UTRN: variants seen among roughly 807,000 people sequenced by gnomAD.
The protein encoded by UTRN is utrophin, also known as dystrophin-related protein 1.
Under a neutral mutation model 463.9 loss-of-function variants are expected in UTRN, and 283 were observed. That is an observed-to-expected ratio of 0.61 (90% confidence interval 0.55 to 0.67). UTRN has a LOEUF of 0.67. Among genes scored for constraint, UTRN ranks in the 30% least tolerant of loss-of-function variants. The probability of loss-of-function intolerance (pLI) is 0.00; values close to 1 mark genes in which losing one functional copy is unlikely to be tolerated. For synonymous variants in UTRN, 1,442 were observed against 1,431.5 expected (o/e 1.01, Z -0.17); for missense variants, 3,922 against 4,084.3 (o/e 0.96, Z 1.08).
intron 13 of UTRN, among the ~76,000 whole-genome samples, chr6:144,441,939 G>A (rs1415662509): frequency 6.6e-6 from 1 of 152,118 alleles, no homozygotes; most frequent in Non-Finnish European, 1.5e-5. Context: ...AGTCATGGCT[G>A]GAGCAGCTGG....
At chr6:144,345,900 G>T (rs1004061145) in intron 2 of UTRN, among the ~76,000 whole-genome samples, 5 of 152,102 alleles carry the variant, frequency 3.3e-5, no homozygotes, top group Admixed American at 2.6e-4. Flanking sequence ...GGCTTTGGCC[G>T]GGGGCGGTGG....
intron 3 of UTRN, among the ~76,000 whole-genome samples, chr6:144,403,504 T>C (rs1341742437): frequency 2.0e-5 from 3 of 152,188 alleles, no homozygotes. Context: ...TTGAGTTCTC[T>C]TGGTTAAGAG....
At chr6:144,556,275 C>T (rs961150227) in intron 49 of UTRN, among the ~76,000 whole-genome samples, 2 of 152,164 alleles carry the variant, frequency 1.3e-5, no homozygotes, top group African/African-American at 4.8e-5. Flanking sequence ...TACTTGGTTA[C>T]AGTTTTAAAA....
At chr6:144,316,464 A>G (rs1380127182) in intron 2 of UTRN, among the ~76,000 whole-genome samples, 2 of 152,218 alleles carry the variant, frequency 1.3e-5, no homozygotes. Flanking sequence ...TTTAAAATTA[A>G]CCATAATCTG....
chr6:144,321,873 C>T (rs766974476), intron 2 of UTRN, among the ~76,000 whole-genome samples: 1 of 152,002 alleles, frequency 6.6e-6, no homozygotes, highest in Non-Finnish European at 1.5e-5. Flanking sequence ...AAGCGAGTCT[C>T]CTGCCTCGGC....
chr6:144,561,988 C>T (rs1799969254), intron 50 of UTRN, among the ~76,000 whole-genome samples: 2 of 152,044 alleles, frequency 1.3e-5, no homozygotes, highest in African/African-American at 2.4e-5. Flanking sequence ...TGATAAAATA[C>T]TTCTTTGTCT....
chr6:144,621,866 T>G (rs370137284), intron 51 of UTRN, among the ~76,000 whole-genome samples: 13 of 152,240 alleles, frequency 8.5e-5, no homozygotes, highest in African/African-American at 3.1e-4. Context: ...CGCCTTCTCT[T>G]TTTTCTCCTT....
Position 144,291,865 on chromosome 6 carries a change from A to C in UTRN, c.37A>C (p.Asn13His). 6.2e-7 allele frequency: 1 copy of C among 1,613,526 alleles called. No individual in the cohort carries two copies. Among genetic ancestry groups the C allele is most frequent in the South Asian group, 1.1e-5 (1 of 90,994 alleles). Residue 13 changes from asparagine (N) to histidine (H), a missense_variant, in exon 2 of 75, where the codon AAT becomes CAT. Physicochemically the swap from Asn to His is moderately conservative, Grantham distance 68. Transcript: ENST00000367545. Reference sequence around the variant, plus strand: ...TGGAGAACATGAAGCCAGTCCTGACAATGGGCAGAACGAATTCAGTGATAT... The same window carrying C: ...TGGAGAACATGAAGCCAGTCCTGACCATGGGCAGAACGAATTCAGTGATAT... ...KYGEHEASPDNGQNEFSDIIK... is the reference protein window; with the variant it reads ...KYGEHEASPDHGQNEFSDIIK...
At chr6:144,602,709 C>A (rs1804391834) in intron 51 of UTRN, among the ~76,000 whole-genome samples, 2 of 152,144 alleles carry the variant, frequency 1.3e-5, no homozygotes, top group Admixed American at 1.3e-4. Context: ...CACAAACAAG[C>A]ACTACTCACT....
chr6:144,704,879 T>C (rs1784934401), intron 53 of UTRN, among the ~76,000 whole-genome samples: 1 of 152,106 alleles, frequency 6.6e-6, no homozygotes, highest in African/African-American at 2.4e-5. Context: ...GGAGAATTGC[T>C]GGAACCCAGG....
chr6:144,683,278 C>T (rs60463868), intron 52 of UTRN, among the ~76,000 whole-genome samples: 41 of 152,286 alleles, frequency 2.7e-4, no homozygotes, highest in African/African-American at 9.6e-4. Context: ...GGCCTGTCGT[C>T]AAGTGGACCG....
At chr6:144,473,968 T>A (rs1790929738) in intron 24 of UTRN, 135 bp downstream of exon 24, 2 of 594,558 alleles carry the variant, frequency 3.4e-6, no homozygotes, top group Admixed American at 6.5e-5. Flanking sequence ...ATCATAAAGC[T>A]TTTATGACTT....
chr6:144,819,907 T>TC (rs1562948979), intron 65 of UTRN, among the ~76,000 whole-genome samples: 1 of 114,168 alleles, frequency 8.8e-6, no homozygotes, highest in Admixed American at 9.4e-5. Flanking sequence ...CTCCTCCTCC[T>TC]CCTCCTCTCT....
chr6:144,590,579 T>C (rs1470272901), intron 51 of UTRN, among the ~76,000 whole-genome samples: 1 of 152,208 alleles, frequency 6.6e-6, no homozygotes, highest in Non-Finnish European at 1.5e-5. Flanking sequence ...ATGTATTGAA[T>C]GGCTGTCATG....
rs200885682 is a variant in UTRN at position 144,461,314 on chromosome 6, A to G, written c.2825A>G (p.Lys942Arg). The G allele has an allele frequency of 6.3e-7, 1 of 1,584,854 alleles. No individual in the cohort carries two copies. The highest frequency in any genetic ancestry group is 8.6e-7 in the Non-Finnish European group (1 of 1,164,298). ...CTGAATGTCCTTAATGATCTTGCCA[A>G]GGTGGAGAAGGCCCTGCAAGAAAAA... ...VSLNVLNDLAKVEKALQEKKT... is the reference protein window; with the variant it reads ...VSLNVLNDLARVEKALQEKKT... Residue 942 changes from lysine (K) to arginine (R), a missense_variant, in exon 22 of 75, where the codon AAG becomes AGG. Lys to Arg is a conservative substitution (Grantham distance 26). This residue lies in a region of UTRN where 2,349 missense variants were observed against 2,303.8 expected (regional missense o/e 1.02). Coordinates refer to ENST00000367545, the MANE Select transcript of UTRN (RefSeq NM_007124.3).
chr6:144,593,781 A>G (rs1439514749), intron 51 of UTRN, among the ~76,000 whole-genome samples: 2 of 152,322 alleles, frequency 1.3e-5, no homozygotes, highest in African/African-American at 4.8e-5. Context: ...TATATTAATA[A>G]AAAAGTTGCC....
At chr6:144,441,258 G>A (rs1308329704) in intron 13 of UTRN, among the ~76,000 whole-genome samples, 2 of 152,144 alleles carry the variant, frequency 1.3e-5, no homozygotes, top group African/African-American at 2.4e-5. Flanking sequence ...AGTCCCTTCC[G>A]CCTATGAGCC....
At chr6:144,548,957 G>A (rs1290400784) in intron 47 of UTRN, 103 bp downstream of exon 47, 1 of 1,235,982 alleles carries the variant, frequency 8.1e-7, no homozygotes, top group East Asian at 2.5e-5. Context: ...GAGAGAATGA[G>A]GTTTAAAAAA....
chr6:144,558,523 C>A (rs569799439), intron 50 of UTRN, among the ~76,000 whole-genome samples: 10 of 152,172 alleles, frequency 6.6e-5, no homozygotes, highest in Admixed American at 2.0e-4. Flanking sequence ...AGGAGATATA[C>A]CTAATGTTAA....
Sources: gnomAD v4.1 joint callset for allele counts (sites outside exome capture counted in the v4.1 genomes callset) on GRCh38, gnomAD v4.1.1 for gene constraint, gnomAD v4.1.1 regional missense constraint, MANE v1.5 for transcripts, NCBI Gene and HGNC (gene_info 2026-07-23, HGNC 2026-07-21) for gene names.